The following SCN10A variants were observed in gnomAD, a reference collection of about 807,000 sequenced individuals.
The protein encoded by SCN10A is sodium voltage-gated channel alpha subunit 10.
Under a neutral mutation model 170.7 loss-of-function variants are expected in SCN10A, and 162 were observed. The observed-to-expected ratio is 0.95, with a 90% confidence interval of 0.84 to 1.08. The LOEUF (loss-of-function observed/expected upper bound fraction) is 1.08. Ranked by LOEUF, SCN10A falls within the 50% of genes least tolerant of loss-of-function variation. The pLI, the probability that SCN10A is intolerant of heterozygous loss-of-function variation, is 0.00. For missense variants in SCN10A, 2,527 were observed against 2,436.9 expected (o/e 1.04, Z -0.78); for synonymous variants, 985 against 904.6 (o/e 1.09, Z -1.59).
rs764208467 is a variant in SCN10A at position 38,771,419 on chromosome 3, G to A, written c.471-12C>T. On this transcript the variant is annotated splice_polypyrimidine_tract_variant and intron_variant, in intron 4 of 27. Transcript: ENST00000449082. ...CAGTGAAGACATATCTGGGAAGGAG[G>A]GTAGAAAAGGAGTGTCAACTGTGCC... 6 of 1,613,164 alleles carry A rather than the reference G, an allele frequency of 3.7e-6. No homozygotes were observed. The Admixed American group carries it at 1.0e-4, about 27-fold the overall frequency.
Position 38,766,251 on chromosome 3 carries a change from G to T in SCN10A, c.600-2655C>A, listed in dbSNP as rs78072216. ...TTATTTCTCTTGTCTGATTGCTCTG[G>T]CTAGGACTTCCAGTACTATGTTGGA... On this transcript the variant is annotated intron_variant, in intron 5 of 27. Coordinates refer to ENST00000449082, the MANE Select transcript of SCN10A (RefSeq NM_006514.4). 2.2e-3 allele frequency among the ~76,000 whole-genome samples: 338 copies of T among 152,076 alleles called. 7 individuals are homozygous for T. In the East Asian group the frequency reaches 0.059, roughly 27 times the overall value.
chr3:38,793,950 G>C lies in SCN10A; in HGVS notation c.61C>G (p.Leu21Val), dbSNP rs1553626259. The change falls in exon 2 of 28, where the codon CTG (leucine) becomes GTG (valine). Residue 21 changes from leucine to valine, a missense_variant. Transcript: ENST00000449082. ...NNFRRFTPES[L>V]VEIEKQIAAK... ...GCAATTTGCTTCTCTATCTCCACCA[G>C]TGACTCCGGAGTAAAGCGACGGAAG... 1 of 1,614,026 alleles carries C rather than the reference G, an allele frequency of 6.2e-7. No individual in the cohort carries two copies. The highest frequency in any genetic ancestry group is 8.5e-7 in the Non-Finnish European group (1 of 1,179,912).
chr3:38,731,306 C>T (rs1254550643), intron 15 of SCN10A, among the ~76,000 whole-genome samples: 1 of 152,096 alleles, frequency 6.6e-6, no homozygotes, highest in African/African-American at 2.4e-5. Flanking sequence ...GAGGTTATGG[C>T]CAGAAGGCAC....
At position 38,752,234 on chromosome 3, in the gene SCN10A, T is replaced by C. The variant is rs748569277; in HGVS notation, c.1740A>G (p.Gly580=). ...ACAAACTCACCGAGACATCGACAGC[T>C]CCAGGGGCAAGCTCACTAGTGGGCG... is the stretch of plus-strand genomic sequence containing the variant. ...QPPPTSELAP[G]AVDVSAFDAG... is the part of the protein sequence containing the mutation. Residue 580 remains glycine, a synonymous_variant, in exon 12 of 28, where the codon GGA becomes GGG. Coordinates refer to ENST00000449082, the MANE Select transcript of SCN10A (RefSeq NM_006514.4). 4 of 1,533,356 alleles carry C rather than the reference T, an allele frequency of 2.6e-6. No homozygotes were observed. The highest frequency in any genetic ancestry group is 1.8e-4 in the Middle Eastern group (1 of 5,650). 95.0% of individuals were successfully genotyped at this position (1,533,356 alleles called of 1,614,324 possible).
At position 38,793,043 on chromosome 3, in the gene SCN10A, TA is replaced by T. The variant is rs2064303897; in HGVS notation, c.270+697del. On this transcript the variant is annotated intron_variant, in intron 2 of 27. Coordinates refer to ENST00000449082, the MANE Select transcript of SCN10A (RefSeq NM_006514.4). ...GTATATACATAGTTGTATGTATATA[TA>T]TAGTGTATAGATGTATACACACATA... is the stretch of plus-strand genomic sequence containing the variant. 2.0e-5 allele frequency among the ~76,000 whole-genome samples: 3 copies of T among 152,144 alleles called. No homozygotes were observed. The East Asian group carries it at 5.8e-4, about 29-fold the overall frequency.
intron 1 of SCN10A, among the ~76,000 whole-genome samples, chr3:38,802,865 C>A (rs540302532): frequency 6.6e-6 from 1 of 152,180 alleles, no homozygotes; most frequent in Non-Finnish European, 1.5e-5. Flanking sequence ...AACAGGCAAC[C>A]TACAGAATGG....
chr3:38,746,240 A>T (rs897816894), intron 13 of SCN10A, among the ~76,000 whole-genome samples: 4 of 151,192 alleles, frequency 2.6e-5, no homozygotes, highest in Non-Finnish European at 5.9e-5. Flanking sequence ...ATCTTTCCCC[A>T]TTAAAGCCCC....
rs766017851 is a variant in SCN10A at position 38,755,879 on chromosome 3, T to C, written c.1370A>G (p.Glu457Gly). 408 of 1,614,102 alleles carry C rather than the reference T, an allele frequency of 2.5e-4. No individual in the cohort carries two copies. The highest frequency in any genetic ancestry group is 3.2e-4 in the Non-Finnish European group (382 of 1,180,030). ...GSPLTSKNAS[E>G]RRHRIKPRVS... is the part of the protein sequence containing the mutation. ...TCTTGGCTTTATTCTATGCCTTCTC[T>C]CACTGGCATTTTTGGAGGTTAAAGG... Residue 457 changes from glutamate (E) to glycine (G), a missense_variant, in exon 11 of 28, where the codon GAG (glutamate) becomes GGG (glycine). Coordinates refer to ENST00000449082, the MANE Select transcript of SCN10A (RefSeq NM_006514.4).
intron 8 of SCN10A, among the ~76,000 whole-genome samples, chr3:38,760,466 G>A (rs1325515762): frequency 2.6e-5 from 4 of 152,248 alleles, no homozygotes; most frequent in African/African-American, 7.2e-5. Context: ...ATACATTGTT[G>A]TTTTAATTCA....
intron 27 of SCN10A, among the ~76,000 whole-genome samples, chr3:38,700,201 C>T (rs2125981655): frequency 6.6e-6 from 1 of 152,140 alleles, no homozygotes; most frequent in Non-Finnish European, 1.5e-5. Flanking sequence ...AGGACAAAAA[C>T]GACATGATTG....
chr3:38,698,507 G>A lies in SCN10A; in HGVS notation c.4713C>T (p.Leu1571=), dbSNP rs1285280617. 2.5e-6 allele frequency: 4 copies of A among 1,614,144 alleles called. No individual in the cohort carries two copies. Among genetic ancestry groups the A allele is most frequent in the Non-Finnish European group, 3.4e-6 (4 of 1,179,980 alleles). ...KSLQSYFSPT[L]FRVIRLARIG... ...TTCGGGCCAGGCGGATGACTCTGAA[G>A]AGCGTTGGGGAGAAGTAACTTTGAA... is the stretch of plus-strand genomic sequence containing the variant. The change falls in exon 28 of 28, where the codon CTC becomes CTT. Residue 1571 remains leucine (L), a synonymous_variant. Transcript: ENST00000449082.
At chr3:38,737,878 GCTCT>G (rs1168881933) in intron 15 of SCN10A, among the ~76,000 whole-genome samples, 28 of 96,542 alleles carry the variant, frequency 2.9e-4, no homozygotes, top group African/African-American at 8.1e-4. Context: ...TCTCCCTCTT[GCTCT>G]CTCTCTTTCT....
Position 38,787,936 on chromosome 3 carries a change from G to C in SCN10A, c.470+1020C>G, listed in dbSNP as rs558475731. Among the ~76,000 whole-genome samples the C allele has an allele frequency of 6.0e-5, 9 of 151,132 alleles. No individual in the cohort carries two copies. In the South Asian group the frequency reaches 1.9e-3, roughly 31 times the overall value. On this transcript the variant is annotated intron_variant, in intron 4 of 27. Transcript: ENST00000449082. ...ACGGTGTTTGGTTTTCTGTTCTTGT[G>C]TTAGTTTGCTGAGAATGATGGTTTC...
At chr3:38,781,495 TG>T (rs1183985233) in intron 4 of SCN10A, among the ~76,000 whole-genome samples, 3 of 152,144 alleles carry the variant, frequency 2.0e-5, no homozygotes, top group Non-Finnish European at 4.4e-5. Flanking sequence ...TTGAATGAAT[TG>T]GGCTATGAAG....
At chr3:38,701,640 A>G (rs933168623) in intron 27 of SCN10A, among the ~76,000 whole-genome samples, 199 bp downstream of exon 27, 4 of 152,256 alleles carry the variant, frequency 2.6e-5, no homozygotes, top group African/African-American at 9.6e-5. Context: ...GAGAAGGCCA[A>G]GAGAACCTCT....
intron 25 of SCN10A, among the ~76,000 whole-genome samples, chr3:38,708,488 T>G (rs563566970): frequency 6.6e-6 from 1 of 152,350 alleles, no homozygotes; most frequent in East Asian, 1.9e-4. Flanking sequence ...CCTCTTCTTA[T>G]GCTCAGAACC....
chr3:38,775,549 G>A (rs1016111666), intron 4 of SCN10A, among the ~76,000 whole-genome samples: 11 of 152,252 alleles, frequency 7.2e-5, no homozygotes, highest in African/African-American at 2.6e-4. Context: ...ACCTTTTAAA[G>A]TCTGTTTCAT....
intron 4 of SCN10A, among the ~76,000 whole-genome samples, chr3:38,780,584 A>G (rs947414073): frequency 2.6e-5 from 4 of 151,948 alleles, no homozygotes. Context: ...TTGCCGTTTG[A>G]TATTGGAATA....
intron 19 of SCN10A, 29 bp from the exon 20 acceptor site, chr3:38,722,441 G>T: frequency 6.2e-7 from 1 of 1,607,744 alleles, no homozygotes; most frequent in Non-Finnish European, 8.5e-7. Context: ...GATGGTGGGT[G>T]ATGGCCAGTG....
Sources: allele counts gnomAD v4.1 joint callset (sites outside exome capture counted in the v4.1 genomes callset), GRCh38; gene constraint gnomAD v4.1.1; transcripts MANE v1.5; gene names NCBI Gene and HGNC (gene_info 2026-07-23, HGNC 2026-07-21).